AMER1: variants seen among roughly 807,000 people sequenced by gnomAD.
AMER1 encodes the protein APC membrane recruitment protein 1.
In AMER1, 16 loss-of-function variants were observed where a neutral mutation model predicts 53.0. The ratio of observed to expected loss-of-function variants is 0.30; its 90% confidence interval spans 0.20 to 0.46. The LOEUF is 0.46. AMER1 is among the 20% of genes least tolerant of loss of function. The pLI is 1.00. For missense variants in AMER1, 947 were observed against 884.9 expected, an observed-to-expected ratio of 1.07 and a Z score of -0.89; for synonymous variants, 354 against 331.9, an observed-to-expected ratio of 1.07 and a Z score of -0.73.
intron 1 of AMER1, 66 bp downstream of exon 1, chrX:64,205,491 CCAGTCCGTAGGAG>C (rs1244944106): frequency 5.3e-5 from 6 of 113,067 alleles, no homozygotes. Flanking sequence ...GTGCCCTCCT[CCAGTCCGTAGGAG>C]CAGAGCACGC....
At position 64,189,793 on chromosome X, in the gene AMER1, A is replaced by ACCGGGCCCCCCCCCC; in HGVS notation, c.*85_*86insGGGGGGGGGGCCCGG. 3.4e-6 allele frequency: 1 copy of ACCGGGCCCCCCCCCC among 292,068 alleles called. No homozygotes were observed. Among genetic ancestry groups the ACCGGGCCCCCCCCCC allele is most frequent in the Non-Finnish European group, 4.9e-6 (1 of 204,826 alleles). The allele number at this position is 292,068 out of a possible 1,213,427, so 24.1% of individuals were successfully genotyped here. A position where few individuals can be genotyped will look rare whatever the true frequency, so the allele number is the denominator to read the frequency against. ...CAAAGGGTTTTCAAGTTAAACAACA[A>ACCGGGCCCCCCCCCC]CCCCCACCCCCCCACCCTTCTGCCC... On this transcript the variant is annotated 3_prime_UTR_variant, in exon 2 of 2. Transcript: ENST00000374869.
rs889248937 is a variant in AMER1 at position 64,192,196 on chromosome X, G to A, written c.1091C>T (p.Thr364Ile). 2 of 1,209,701 alleles carry A rather than the reference G, an allele frequency of 1.7e-6. No homozygotes were observed. Residue 364 changes from threonine (T) to isoleucine (I), a missense_variant, in exon 2 of 2, where the codon ACC becomes ATC. Coordinates refer to ENST00000374869, the MANE Select transcript of AMER1 (RefSeq NM_152424.4). ...CATCTCCTCCCCACCTCCTTGGTAG[G>A]TCACCAGGCAGGAACTTCGCTTGGT... ...DGTKRSSCLV[T>I]YQGGGEEMAL...
Position 64,185,566 on chromosome X carries a change from T to C in AMER1, c.*4313A>G, listed in dbSNP as rs1930087953. 1 of 168,756 alleles carries C rather than the reference T, an allele frequency of 5.9e-6. No homozygotes were observed. The highest frequency in any genetic ancestry group is 1.1e-5 in the Non-Finnish European group (1 of 89,039). The allele number at this position is 168,756 out of a possible 1,213,427, so 13.9% of individuals were successfully genotyped here. The stretch of plus-strand genomic sequence containing the variant: ...ATACATACCATGTGGATTTTCTTCT[T>C]TGGAGTGACTATAGGATTGGAAAGT... On this transcript the variant is annotated 3_prime_UTR_variant, in exon 2 of 2. Coordinates refer to ENST00000374869, the MANE Select transcript of AMER1 (RefSeq NM_152424.4).
At position 64,188,530 on chromosome X, in the gene AMER1, C is replaced by G. The variant is rs1930154435; in HGVS notation, c.*1349G>C. 2.5e-6 allele frequency: 2 copies of G among 802,402 alleles called. No individual in the cohort carries two copies. The highest frequency in any genetic ancestry group is 4.4e-5 in the African/African-American group (2 of 45,320). The allele number at this position is 802,402 out of a possible 1,213,427, so 66.1% of individuals were successfully genotyped here. A position where few individuals can be genotyped will look rare whatever the true frequency, so the allele number is the denominator to read the frequency against. On this transcript the variant is annotated 3_prime_UTR_variant, in exon 2 of 2. Transcript: ENST00000374869. ...TCATTTGATGATGCTAAGGACTCGG[C>G]TAATTGGAAGATAAAAGCTCTTTAA...
rs1162990577 is a variant in AMER1 at position 64,190,658 on chromosome X, C to T, written c.2629G>A (p.Gly877Ser). 2 of 1,209,922 alleles carry T rather than the reference C, an allele frequency of 1.7e-6. No individual in the cohort carries two copies. Among genetic ancestry groups the T allele is most frequent in the East Asian group, 5.9e-5 (2 of 33,740 alleles). ...GCAGGTGGAGGTCGAGGGTGCAGGCCAGGCAGTCCCAAGTATCGAGGGAGG... is the reference window on the plus strand; with the variant it reads ...GCAGGTGGAGGTCGAGGGTGCAGGCTAGGCAGTCCCAAGTATCGAGGGAGG... ...SSLPRYLGLPGLHPRPPPAAM... is the reference protein window; with the variant it reads ...SSLPRYLGLPSLHPRPPPAAM... Residue 877 changes from glycine (G) to serine (S), a missense_variant, in exon 2 of 2, where the codon GGC (glycine) becomes AGC (serine). Transcript: ENST00000374869.
intron 1 of AMER1, among the ~76,000 whole-genome samples, chrX:64,203,671 A>G (rs1352715211): frequency 1.8e-5 from 2 of 111,558 alleles, no homozygotes; most frequent in African/African-American, 6.5e-5. Context: ...GCACCAAGGA[A>G]AAGGAAGGCC....
chrX:64,205,701 C>G lies in AMER1; in HGVS notation c.-230G>C, dbSNP rs1313847840. The G allele has an allele frequency of 2.7e-5, 3 of 112,031 alleles. No homozygotes were observed. The highest frequency in any genetic ancestry group is 9.3e-5 in the Admixed American group (1 of 10,697). 9.2% of individuals were successfully genotyped at this position (112,031 alleles called of 1,213,427 possible). ...GCCGTCGCCGCGGCTCCAGTCACCT[C>G]CAGCACTGACTCCCCTTCCCCAGGC... On this transcript the variant is annotated 5_prime_UTR_variant, in exon 1 of 2. Coordinates refer to ENST00000374869, the MANE Select transcript of AMER1 (RefSeq NM_152424.4).
At chrX:64,194,437 G>A (rs1424878639) in intron 1 of AMER1, among the ~76,000 whole-genome samples, 1 of 111,454 alleles carries the variant, frequency 9.0e-6, no homozygotes, top group African/African-American at 3.3e-5. Flanking sequence ...TCCTCCAAAT[G>A]CCCAAATACC....
In AMER1 at chrX:64,189,245, G is replaced by C. The variant is rs747868862; in HGVS notation, c.*634C>G. On this transcript the variant is annotated 3_prime_UTR_variant, in exon 2 of 2. Transcript: ENST00000374869. ...ATAGCTTATAGTCATCTGATATAAT[G>C]ATGGCAGCTATGCCAGGCCAAAAGG... 1 of 793,749 alleles carries C rather than the reference G, an allele frequency of 1.3e-6. No individual in the cohort carries two copies. Among genetic ancestry groups the C allele is most frequent in the Admixed American group, 8.1e-5 (1 of 12,314 alleles). The allele number at this position is 793,749 out of a possible 1,213,427, so 65.4% of individuals were successfully genotyped here.
At chrX:64,199,103 C>T (rs1220199856) in intron 1 of AMER1, among the ~76,000 whole-genome samples, 1 of 112,245 alleles carries the variant, frequency 8.9e-6, no homozygotes, top group African/African-American at 3.2e-5. Flanking sequence ...TGCAGCCTTC[C>T]TGCTGAGGGG....
chrX:64,199,700 C>T lies in AMER1; in HGVS notation c.-99+5870G>A, dbSNP rs751210194. On this transcript the variant is annotated intron_variant, in intron 1 of 1. Transcript: ENST00000374869. The stretch of plus-strand genomic sequence containing the variant: ...TGAGCTCCCTCTAGTCCCTCCCTAC[C>T]GCAGCACCCCCTGGCTCCCCTCTCC... 7.2e-5 allele frequency among the ~76,000 whole-genome samples: 8 copies of T among 111,387 alleles called. No homozygotes were observed. In the South Asian group the frequency reaches 2.3e-3, roughly 32 times the overall value.
rs1930148335 is a variant in AMER1, at chrX:64,188,281, G to T, written c.*1598C>A. 2.5e-6 allele frequency: 2 copies of T among 800,584 alleles called. No individual in the cohort carries two copies. The highest frequency in any genetic ancestry group is 3.0e-6 in the Non-Finnish European group (2 of 668,406). 66.0% of individuals were successfully genotyped at this position (800,584 alleles called of 1,213,427 possible). On this transcript the variant is annotated 3_prime_UTR_variant, in exon 2 of 2. Transcript: ENST00000374869. ...GAGTGAACACAGCCAAGCAAAAAAT[G>T]TTCCATATGCCATTTCCAATAAAGA...
In AMER1 at chrX:64,186,112, G is replaced by A. The variant is rs754483882; in HGVS notation, c.*3767C>T. ...ATAAAATAAAGCCAGAAAATGACAAGCTGTCTACCAGGTCCCACACGCCTG... is the reference window on the plus strand; with the variant it reads ...ATAAAATAAAGCCAGAAAATGACAAACTGTCTACCAGGTCCCACACGCCTG... On this transcript the variant is annotated 3_prime_UTR_variant, in exon 2 of 2. Coordinates refer to ENST00000374869, the MANE Select transcript of AMER1 (RefSeq NM_152424.4). 5.3e-5 allele frequency: 64 copies of A among 1,202,487 alleles called. No individual in the cohort carries two copies. Among genetic ancestry groups the A allele is most frequent in the Non-Finnish European group, 6.5e-5 (58 of 888,989 alleles).
Position 64,189,083 on chromosome X carries a change from T to C in AMER1, c.*796A>G, listed in dbSNP as rs751639039. 94 of 794,681 alleles carry C rather than the reference T, an allele frequency of 1.2e-4. No homozygotes were observed. In the East Asian group the frequency reaches 2.5e-3, roughly 21 times the overall value. The allele number at this position is 794,681 out of a possible 1,213,427, so 65.5% of individuals were successfully genotyped here. A position where few individuals can be genotyped will look rare whatever the true frequency, so the allele number is the denominator to read the frequency against. The stretch of plus-strand genomic sequence containing the variant: ...GAATTTTATCACTCCATCAAGGGGA[T>C]TAGCATTTTTGTCTTTAACCCAAGC... On this transcript the variant is annotated 3_prime_UTR_variant, in exon 2 of 2. Coordinates refer to ENST00000374869, the MANE Select transcript of AMER1 (RefSeq NM_152424.4).
chrX:64,205,363 C>A (rs1334531564), intron 1 of AMER1, among the ~76,000 whole-genome samples: 3 of 105,223 alleles, frequency 2.9e-5, no homozygotes, highest in Non-Finnish European at 5.9e-5. Context: ...CTCCCCCCAG[C>A]CGTGGTCGCT....
At chrX:64,193,525 C>T (rs780899412) in intron 1 of AMER1, 141 bp from the exon 2 acceptor site, 18 of 458,958 alleles carry the variant, frequency 3.9e-5, no homozygotes, top group African/African-American at 7.3e-5. Context: ...TCTTAATCCA[C>T]TCGATATGCT....
rs188801666 is a variant in AMER1 at position 64,192,106 on chromosome X, T to C, written c.1181A>G (p.Glu394Gly). The change falls in exon 2 of 2, where the codon GAA (glutamate) becomes GGA (glycine). Residue 394 changes from glutamate to glycine, a missense_variant. Physicochemically the swap from Glu to Gly is moderately conservative, Grantham distance 98. Transcript: ENST00000374869. ...TTCTTCCTCCTCCTTAACCTCCTCT[T>C]CTTCCTCCTCTAATTCCACCTCTTC... ...EEEEVELEEE[E>G]EEVKEEEEDD... 8.3e-7 allele frequency: 1 copy of C among 1,209,105 alleles called. No individual in the cohort carries two copies. The highest frequency in any genetic ancestry group is 3.0e-5 in the East Asian group (1 of 33,737).
intron 1 of AMER1, among the ~76,000 whole-genome samples, chrX:64,196,415 T>C (rs1930370605): frequency 8.9e-6 from 1 of 112,155 alleles, no homozygotes; most frequent in Non-Finnish European, 1.9e-5. Flanking sequence ...ATAAACTGTA[T>C]AGTACAGTGC....
In AMER1 at chrX:64,187,387, T is replaced by C; in HGVS notation, c.*2492A>G. The C allele has an allele frequency of 2.5e-6, 2 of 794,005 alleles. No homozygotes were observed. Among genetic ancestry groups the C allele is most frequent in the Non-Finnish European group, 3.0e-6 (2 of 663,176 alleles). 65.4% of individuals were successfully genotyped at this position (794,005 alleles called of 1,213,427 possible). ...GCAAGGCTGTCCAAACCATGAACTC[T>C]CACTCAGCCCCAGGCCCTACTCTGT... On this transcript the variant is annotated 3_prime_UTR_variant, in exon 2 of 2. Coordinates refer to ENST00000374869, the MANE Select transcript of AMER1 (RefSeq NM_152424.4).
Sources: allele counts gnomAD v4.1 joint callset (sites outside exome capture counted in the v4.1 genomes callset), GRCh38; gene constraint gnomAD v4.1.1; transcripts MANE v1.5; gene names NCBI Gene and HGNC (gene_info 2026-07-23, HGNC 2026-07-21).